Variants in ANKRD45 observed in about 807,000 individuals in gnomAD.
ANKRD45 encodes the protein ankyrin repeat domain-containing protein 45.
Under a neutral mutation model 28.1 loss-of-function variants are expected in ANKRD45, and 21 were observed. That is an observed-to-expected ratio of 0.75 (90% CI 0.53 to 1.08). The LOEUF (loss-of-function observed/expected upper bound fraction) is 1.08. Ranked by LOEUF, ANKRD45 falls within the 50% of genes least tolerant of loss-of-function variation. The probability of loss-of-function intolerance (pLI) is 0.00; values close to 1 mark genes in which losing one functional copy is unlikely to be tolerated. For missense variants in ANKRD45, 261 were observed against 308.7 expected (o/e 0.85, Z 1.16); for synonymous variants, 86 against 103.9 (o/e 0.83, Z 1.05).
rs187834706 is a variant in ANKRD45 at position 173,668,181 on chromosome 1, A to G, written c.-16+1636T>C. Among the ~76,000 whole-genome samples, 431 of 152,336 alleles carry G rather than the reference A, an allele frequency of 2.8e-3. 1 individual carries two copies. Among genetic ancestry groups the G allele is most frequent in the African/African-American group, 9.6e-3 (398 of 41,578 alleles). On this transcript the variant is annotated intron_variant, in intron 1 of 5. Coordinates refer to ENST00000333279, the MANE Select transcript of ANKRD45 (RefSeq NM_198493.3). ...GAGTAAAATGGAGTCCTGAGACAACAAAGTTTGAGAGCACTGCCTTAGGAT... is the reference window on the plus strand; with the variant it reads ...GAGTAAAATGGAGTCCTGAGACAACGAAGTTTGAGAGCACTGCCTTAGGAT...
At chr1:173,639,598 C>A (rs192451253) in intron 3 of ANKRD45, among the ~76,000 whole-genome samples, 12 of 152,292 alleles carry the variant, frequency 7.9e-5, no homozygotes, top group Non-Finnish European at 1.2e-4. Context: ...ATACCCTAGC[C>A]AAGCAAGTTA....
chr1:173,677,915 G>C, the ANKRD45 span, among the ~76,000 whole-genome samples: 2 of 152,158 alleles, frequency 1.3e-5, no homozygotes, highest in Non-Finnish European at 2.9e-5. Context: ...CAGTGTACAG[G>C]ATATTATGTT....
At chr1:173,655,738 T>C (rs1031961829) in intron 2 of ANKRD45, among the ~76,000 whole-genome samples, 1 of 152,258 alleles carries the variant, frequency 6.6e-6, no homozygotes, top group African/African-American at 2.4e-5. Flanking sequence ...CAGGCCTTGC[T>C]GAGCTGTGGT....
chr1:173,712,345 T>C, the ANKRD45 span, among the ~76,000 whole-genome samples: 1 of 152,194 alleles, frequency 6.6e-6, no homozygotes, highest in Non-Finnish European at 1.5e-5. Flanking sequence ...AGCCATTGTG[T>C]ATGGTTTCAA....
intron 5 of ANKRD45, among the ~76,000 whole-genome samples, chr1:173,621,688 A>C (rs551527404): frequency 5.3e-5 from 8 of 152,202 alleles, no homozygotes; most frequent in African/African-American, 1.7e-4. Context: ...TGAAAAACCC[A>C]CAGCCAATAT....
the ANKRD45 span, among the ~76,000 whole-genome samples, chr1:173,700,251 G>T: frequency 1.3e-5 from 2 of 152,194 alleles, no homozygotes; most frequent in Non-Finnish European, 2.9e-5. Context: ...ACTGCCCAAG[G>T]TAATTTATAG....
chr1:173,657,506 CTGTGTATGTGTA>C (rs986553912), intron 2 of ANKRD45: 1 of 157,866 alleles, frequency 6.3e-6, no homozygotes, highest in African/African-American at 2.4e-5. Context: ...ATGTGTGTGT[CTGTGTATGTGTA>C]TGTGTATAAT....
At chr1:173,635,530 T>A (rs1014352645) in intron 3 of ANKRD45, 18 of 1,522,722 alleles carry the variant, frequency 1.2e-5, no homozygotes, top group Non-Finnish European at 1.5e-5. Flanking sequence ...GGATGTCTAA[T>A]CAAAGACTAC....
chr1:173,651,927 A>C (rs1206196213), intron 2 of ANKRD45, among the ~76,000 whole-genome samples: 2 of 152,068 alleles, frequency 1.3e-5, no homozygotes, highest in Admixed American at 1.3e-4. Flanking sequence ...AATGCTTGTG[A>C]TTTTTGCACA....
chr1:173,671,551 G>A (rs974056329), upstream of ANKRD45, among the ~76,000 whole-genome samples: 1 of 151,986 alleles, frequency 6.6e-6, no homozygotes, highest in African/African-American at 2.4e-5. Flanking sequence ...GAGAAGGGAC[G>A]CAAGACCCTA....
intron 3 of ANKRD45, among the ~76,000 whole-genome samples, chr1:173,645,725 C>T (rs80134429): frequency 0.04 from 6,075 of 152,254 alleles, 424 homozygotes; most frequent in African/African-American, 0.14. Flanking sequence ...GCAATCTTGT[C>T]ACCATCCTCC....
At chr1:173,694,444 G>A in the ANKRD45 span, among the ~76,000 whole-genome samples, 13 of 152,082 alleles carry the variant, frequency 8.5e-5, no homozygotes, top group Admixed American at 1.3e-4. Flanking sequence ...GATTACAAGC[G>A]TGAATCACTG....
At chr1:173,700,628 C>T in the ANKRD45 span, among the ~76,000 whole-genome samples, 1 of 152,054 alleles carries the variant, frequency 6.6e-6, no homozygotes, top group Middle Eastern at 3.4e-3. Flanking sequence ...TATGTAGAAA[C>T]CTGAAACTGG....
chr1:173,684,598 A>G, the ANKRD45 span, among the ~76,000 whole-genome samples: 4 of 152,278 alleles, frequency 2.6e-5, no homozygotes, highest in South Asian at 2.1e-4. Flanking sequence ...CCATTCTGTA[A>G]AAGTGATCAT....
the ANKRD45 span, among the ~76,000 whole-genome samples, chr1:173,707,181 C>T: frequency 9.9e-5 from 15 of 151,596 alleles, no homozygotes; most frequent in African/African-American, 2.7e-4. Flanking sequence ...ACATTATGAA[C>T]GCTTTATGAT....
the ANKRD45 span, among the ~76,000 whole-genome samples, chr1:173,689,780 A>G: frequency 2.0e-5 from 3 of 151,550 alleles, no homozygotes; most frequent in African/African-American, 7.3e-5. Context: ...CTGCGTTGTT[A>G]TTGTCCCACT....
chr1:173,658,972 A>T (rs550535043), intron 2 of ANKRD45, 119 bp downstream of exon 2: 50 of 1,360,560 alleles, frequency 3.7e-5, no homozygotes, highest in Non-Finnish European at 4.7e-5. Flanking sequence ...ATATAGATGT[A>T]TATACACATA....
chr1:173,655,832 C>T (rs967412834), intron 2 of ANKRD45, among the ~76,000 whole-genome samples: 6 of 152,354 alleles, frequency 3.9e-5, no homozygotes, highest in African/African-American at 4.8e-5. Flanking sequence ...CCCCCTGCCA[C>T]GCTGCTGCCT....
intron 3 of ANKRD45, among the ~76,000 whole-genome samples, chr1:173,634,130 G>GA (rs375796693): frequency 2.0e-5 from 3 of 151,730 alleles, no homozygotes; most frequent in Admixed American, 6.6e-5. Context: ...AACTCAATAG[G>GA]AAAAAAATCT....
Sources: gnomAD v4.1 joint callset for allele counts (sites outside exome capture counted in the v4.1 genomes callset) on GRCh38, gnomAD v4.1.1 for gene constraint, MANE v1.5 for transcripts, NCBI Gene and HGNC (gene_info 2026-07-23, HGNC 2026-07-21) for gene names.